The following GRTP1 variants were observed in gnomAD, a reference collection of about 807,000 sequenced individuals.
GRTP1 encodes the protein growth hormone-regulated TBC protein 1.
Under a neutral mutation model 38.1 loss-of-function variants are expected in GRTP1, and 56 were observed. The ratio of observed to expected loss-of-function variants is 1.47; its 90% CI spans 1.19 to 1.84. GRTP1 has a LOEUF of 1.84. Ranked by LOEUF, GRTP1 falls within the 40% of genes most tolerant of loss-of-function variation. The pLI, the probability that GRTP1 is intolerant of heterozygous loss-of-function variation, is 0.00. For synonymous variants in GRTP1, 217 were observed against 189.5 expected (o/e 1.14, Z -1.19); for missense variants, 506 against 453.9 (o/e 1.11, Z -1.04).
intron 2 of GRTP1, chr13:113,355,716 A>T: frequency 2.6e-6 from 1 of 383,092 alleles, no homozygotes; most frequent in East Asian, 4.2e-5. Flanking sequence ...CCCCACGCCC[A>T]CTTCACCATT....
Position 113,346,021 on chromosome 13 carries a change from CA to C in GRTP1, c.466-1063del, listed in dbSNP as rs1566428663. The stretch of plus-strand genomic sequence containing the variant: ...ACCCGAGAGGACCTCTGCGGCTGAG[CA>C]GACCTGGGAAGACATCTGTGGCCGA... On this transcript the variant is annotated intron_variant, in intron 4 of 7. Transcript: ENST00000375431. Among the ~76,000 whole-genome samples, 4 of 86,228 alleles carry C rather than the reference CA, an allele frequency of 4.6e-5. 1 individual carries two copies. The highest frequency in any genetic ancestry group is 1.3e-4 in the African/African-American group (3 of 22,964). The allele number at this position is 86,228 out of a possible 152,430, so 56.6% of individuals were successfully genotyped here.
intron 3 of GRTP1, among the ~76,000 whole-genome samples, chr13:113,353,014 G>A (rs2043314190): frequency 6.7e-6 from 1 of 149,958 alleles, no homozygotes; most frequent in South Asian, 2.1e-4. Context: ...TGAAAGCAGG[G>A]ACCCAGCCCC....
chr13:113,352,611 A>T (rs2043307337), intron 3 of GRTP1, among the ~76,000 whole-genome samples: 1 of 151,910 alleles, frequency 6.6e-6, no homozygotes, highest in Admixed American at 6.6e-5. Context: ...CCTGAGCTCA[A>T]CTAATCCGCC....
intron 3 of GRTP1, among the ~76,000 whole-genome samples, chr13:113,351,357 G>A (rs2043262680): frequency 6.6e-6 from 1 of 152,248 alleles, no homozygotes; most frequent in Non-Finnish European, 1.5e-5. Context: ...CAGGGTGACA[G>A]GTGGAGAGAA....
intron 5 of GRTP1, among the ~76,000 whole-genome samples, chr13:113,341,045 C>CT (rs533227191): frequency 0.037 from 5,433 of 145,078 alleles, 227 homozygotes; most frequent in African/African-American, 0.11. Flanking sequence ...ATATCTTATC[C>CT]TTTTTTTTTT....
At chr13:113,326,143 A>T (rs934664383) in intron 5 of GRTP1, 52 bp from the exon 6 acceptor site, 21 of 1,590,004 alleles carry the variant, frequency 1.3e-5, no homozygotes, top group Non-Finnish European at 1.4e-5. Context: ...CACCTCCACA[A>T]GCCCCATTCC....
At chr13:113,345,738 G>A (rs1044228167) in intron 4 of GRTP1, among the ~76,000 whole-genome samples, 5 of 152,230 alleles carry the variant, frequency 3.3e-5, no homozygotes, top group Admixed American at 2.0e-4. Flanking sequence ...CAGGGATGTG[G>A]CGCTGTTCAC....
chr13:113,342,778 T>C lies in GRTP1; in HGVS notation c.562+2085A>G, dbSNP rs1301864920. 3.9e-5 allele frequency among the ~76,000 whole-genome samples: 6 copies of C among 152,200 alleles called. No individual in the cohort carries two copies. The highest frequency in any genetic ancestry group is 1.4e-4 in the African/African-American group (6 of 41,446). On this transcript the variant is annotated intron_variant, in intron 5 of 7. Transcript: ENST00000375431. The surrounding 1 kb of genome is among the most constrained non-coding windows in gnomAD (Gnocchi z 4.5). ...CTGCCGGGATCGGAATAACCCCCTT[T>C]TCCTCCCATGATCCTAACAGTTTAG...
rs757211474 is a variant in GRTP1 at position 113,346,283 on chromosome 13, T to TGA, written c.466-1326_466-1325dup. ...GCAGATCCGGGAGGACCTCTGTGGC[T>TGA]GAGCGGATCTGGGAGGACCTCTGTG... On this transcript the variant is annotated intron_variant, in intron 4 of 7. Coordinates refer to ENST00000375431, the MANE Select transcript of GRTP1 (RefSeq NM_024719.4). Among the ~76,000 whole-genome samples, 7 of 14,052 alleles carry TGA rather than the reference T, an allele frequency of 5.0e-4. 1 individual carries two copies. Among genetic ancestry groups the TGA allele is most frequent in the Admixed American group, 8.1e-4 (1 of 1,230 alleles). The allele number at this position is 14,052 out of a possible 152,430, so 9.2% of individuals were successfully genotyped here.
In GRTP1 at chr13:113,325,770, T is replaced by C; in HGVS notation, c.812A>G (p.Lys271Arg). The change falls in exon 7 of 8, where the codon AAG (lysine) becomes AGG (arginine). Residue 271 changes from lysine to arginine, a missense_variant. Physicochemically the swap from Lys to Arg is conservative, Grantham distance 26. Transcript: ENST00000375431. ...IIFRVALTLI[K>R]QHQELILEAT... ...TTCCAAAATCAACTCCTGGTGCTGCTTAATTAAGGTCAGGGCCACCCGGAA... is the reference window on the plus strand; with the variant it reads ...TTCCAAAATCAACTCCTGGTGCTGCCTAATTAAGGTCAGGGCCACCCGGAA... The C allele has an allele frequency of 1.9e-6, 3 of 1,614,050 alleles. No homozygotes were observed. Among genetic ancestry groups the C allele is most frequent in the Non-Finnish European group, 2.5e-6 (3 of 1,179,926 alleles).
At chr13:113,328,983 C>A (rs535636881) in intron 5 of GRTP1, among the ~76,000 whole-genome samples, 1 of 150,194 alleles carries the variant, frequency 6.7e-6, no homozygotes, top group Non-Finnish European at 1.5e-5. Flanking sequence ...TGGTTCCCTT[C>A]CCTGCCCAGA....
Position 113,325,697 on chromosome 13 carries a change from T to C in GRTP1, c.885A>G (p.Lys295=). Residue 295 remains lysine, a synonymous_variant, in exon 7 of 8, where the codon AAA becomes AAG. Coordinates refer to ENST00000375431, the MANE Select transcript of GRTP1 (RefSeq NM_024719.4). ...DICDKFKQIT[K]GSFVMECHTF... ...TGTGACACTCCATCACGAAACTCCC[T>C]TTGGTTATCTGCTTAAACTTATCGC... The C allele has an allele frequency of 6.2e-7, 1 of 1,614,162 alleles. No homozygotes were observed. Among genetic ancestry groups the C allele is most frequent in the Non-Finnish European group, 8.5e-7 (1 of 1,180,022 alleles).
chr13:113,324,608 AC>A (rs1158972238), intron 7 of GRTP1, 31 bp from the exon 8 acceptor site: 2 of 1,567,988 alleles, frequency 1.3e-6, no homozygotes, highest in Non-Finnish European at 1.7e-6. Flanking sequence ...TTAAAAACAA[AC>A]CCAACAACCC....
chr13:113,357,995 A>G (rs2043426639), intron 2 of GRTP1, among the ~76,000 whole-genome samples: 1 of 152,180 alleles, frequency 6.6e-6, no homozygotes, highest in African/African-American at 2.4e-5. Flanking sequence ...CCTGACCAAC[A>G]TGGCAAAACC....
intron 5 of GRTP1, among the ~76,000 whole-genome samples, chr13:113,335,410 G>A (rs576717812): frequency 8.4e-5 from 12 of 143,692 alleles, no homozygotes; most frequent in South Asian, 4.8e-4. Context: ...GAGACAGAGC[G>A]GGACTCTGTC....
chr13:113,347,594 A>G (rs12876844), intron 4 of GRTP1, among the ~76,000 whole-genome samples: 364 of 3,958 alleles, frequency 0.092, 9 homozygotes, highest in African/African-American at 0.13. Context: ...GTGGCTGAGA[A>G]CAGACCCGGG....
chr13:113,324,649 G>A, intron 7 of GRTP1, 72 bp from the exon 8 acceptor site: 1 of 1,527,306 alleles, frequency 6.5e-7, no homozygotes, highest in Non-Finnish European at 8.8e-7. Flanking sequence ...CAGACTGGCA[G>A]GCAGGCAGAC....
intron 5 of GRTP1, among the ~76,000 whole-genome samples, chr13:113,327,880 C>T (rs2042798220): frequency 6.6e-6 from 1 of 152,202 alleles, no homozygotes; most frequent in African/African-American, 2.4e-5. Flanking sequence ...TGCAGAGACA[C>T]ACAGCCTGAC....
chr13:113,339,288 C>T (rs1344319959), intron 5 of GRTP1, among the ~76,000 whole-genome samples: 1 of 152,310 alleles, frequency 6.6e-6, no homozygotes, highest in East Asian at 1.9e-4. Flanking sequence ...ATCAAAGATA[C>T]TTTCTCAAAC....
Sources: gnomAD v4.1 joint callset for allele counts (sites outside exome capture counted in the v4.1 genomes callset) on GRCh38, gnomAD v4.1.1 for gene constraint, Gnocchi (gnomAD v3.1) non-coding constraint, MANE v1.5 for transcripts, NCBI Gene and HGNC (gene_info 2026-07-23, HGNC 2026-07-21) for gene names.